Variants in PCDHGC4 observed in about 807,000 individuals in gnomAD.
PCDHGC4 encodes protocadherin gamma subfamily C, 4.
Under a neutral mutation model 59.7 loss-of-function variants are expected in PCDHGC4, and 15 were observed. That is an observed-to-expected ratio of 0.25 (90% CI 0.17 to 0.39). The LOEUF is 0.39. Among genes scored for constraint, PCDHGC4 ranks in the 10% least tolerant of loss-of-function variants. The pLI, the probability that PCDHGC4 is intolerant of heterozygous loss-of-function variation, is 1.00. For synonymous variants in PCDHGC4, 434 were observed against 481.4 expected, an observed-to-expected ratio of 0.90 and a Z score of 1.29; for missense variants, 1,016 against 1,189.5, an observed-to-expected ratio of 0.85 and a Z score of 2.15.
At position 141,490,857 on chromosome 5, in the gene PCDHGC4, C is replaced by G; in HGVS notation, c.2442+3242C>G. 6.2e-7 allele frequency: 1 copy of G among 1,613,832 alleles called. No homozygotes were observed. Among genetic ancestry groups the G allele is most frequent in the Admixed American group, 1.7e-5 (1 of 60,012 alleles). On this transcript the variant is annotated intron_variant, in intron 1 of 3. Coordinates refer to ENST00000306593, the MANE Select transcript of PCDHGC4 (RefSeq NM_018928.3). The surrounding 1 kb of genome is among the most constrained non-coding windows in gnomAD (Gnocchi z 5.4). ...AGATTGTGGTGGGGGTTCGAGACTCCGGCTCTCCCCCATTGCATGCCAACA... is the reference window on the plus strand; with the variant it reads ...AGATTGTGGTGGGGGTTCGAGACTCGGGCTCTCCCCCATTGCATGCCAACA...
At chr5:141,503,309 A>G (rs2099819130) in intron 2 of PCDHGC4, among the ~76,000 whole-genome samples, 1 of 152,034 alleles carries the variant, frequency 6.6e-6, no homozygotes, top group Non-Finnish European at 1.5e-5. Flanking sequence ...TCAAGAAAGA[A>G]TTGTTGGAGG....
chr5:141,494,832 G>T lies in PCDHGC4; in HGVS notation c.2468G>T (p.Arg823Leu). 1 of 1,614,066 alleles carries T rather than the reference G, an allele frequency of 6.2e-7. No homozygotes were observed. ...CAAGCCCCGCCCAACACGGACTGGCGTTTCTCTCAGGCCCAGAGACCCGGC... is the reference window on the plus strand; with the variant it reads ...CAAGCCCCGCCCAACACGGACTGGCTTTTCTCTCAGGCCCAGAGACCCGGC... The part of the protein sequence containing the change: ...LEQAPPNTDW[R>L]FSQAQRPGTS... The change falls in exon 2 of 4, where the codon CGT becomes CTT. Residue 823 changes from arginine to leucine, a missense_variant. Transcript: ENST00000306593.
rs1433429634 is a variant in PCDHGC4 at position 141,486,311 on chromosome 5, G to T, written c.1138G>T (p.Gly380Trp). 1.2e-6 allele frequency: 2 copies of T among 1,613,956 alleles called. No homozygotes were observed. Among genetic ancestry groups the T allele is most frequent in the African/African-American group, 2.7e-5 (2 of 74,892 alleles). The change falls in exon 1 of 4, where the codon GGG becomes TGG. Residue 380 changes from glycine to tryptophan, a missense_variant. Gly to Trp is a radical substitution (Grantham distance 184). Transcript: ENST00000306593. The surrounding 1 kb of genome is among the most constrained non-coding windows in gnomAD (Gnocchi z 5.0). The stretch of plus-strand genomic sequence containing the variant: ...TATCAGTGTGCAGGATCCAGACTCA[G>T]GGTCAAACGGAGATGTGAGCCTCCG... The part of the protein sequence containing the change: ...ALISVQDPDS[G>W]SNGDVSLRIP...
At chr5:141,504,269 A>T (rs7715517) in intron 2 of PCDHGC4, among the ~76,000 whole-genome samples, 3,100 of 152,246 alleles carry the variant, frequency 0.02, 113 homozygotes, top group African/African-American at 0.07. Context: ...GTATTTTTTT[A>T]AATTATGAAT....
At chr5:141,506,092 G>A (rs1595997534) in intron 3 of PCDHGC4, among the ~76,000 whole-genome samples, 1 of 152,142 alleles carries the variant, frequency 6.6e-6, no homozygotes, top group Admixed American at 6.6e-5. Flanking sequence ...TTCGGCTAGT[G>A]GTGGTTGTCC....
Position 141,489,575 on chromosome 5 carries a change from AC to A in PCDHGC4, c.2442+1965del. On this transcript the variant is annotated intron_variant, in intron 1 of 3. Coordinates refer to ENST00000306593, the MANE Select transcript of PCDHGC4 (RefSeq NM_018928.3). This position sits in a 1 kb window ranked among gnomAD's most constrained non-coding sequence, Gnocchi z 4.5. ...CTGCCAGTGCAGGTGGTGACTGAAC[AC>A]CCCCTGGAGCTAATCCGTGTAGAGG... 1 of 1,613,788 alleles carries A rather than the reference AC, an allele frequency of 6.2e-7. No individual in the cohort carries two copies. Among genetic ancestry groups the A allele is most frequent in the Middle Eastern group, 1.6e-4 (1 of 6,062 alleles).
intron 2 of PCDHGC4, among the ~76,000 whole-genome samples, chr5:141,503,940 C>G (rs890249753): frequency 6.6e-6 from 1 of 152,218 alleles, no homozygotes; most frequent in Non-Finnish European, 1.5e-5. Flanking sequence ...TTCATGCCTT[C>G]AAGGCCTACC....
intron 1 of PCDHGC4, among the ~76,000 whole-genome samples, chr5:141,492,949 A>G (rs1470301496): frequency 6.6e-6 from 1 of 152,226 alleles, no homozygotes; most frequent in African/African-American, 2.4e-5. Flanking sequence ...GGAGGTGACC[A>G]AACTATCTGA....
rs1224943883 is a variant in PCDHGC4 at position 141,493,516 on chromosome 5, G to A, written c.2443-1291G>A. Among the ~76,000 whole-genome samples, 1 of 152,122 alleles carries A rather than the reference G, an allele frequency of 6.6e-6. No individual in the cohort carries two copies. The highest frequency in any genetic ancestry group is 1.5e-5 in the Non-Finnish European group (1 of 68,036). On this transcript the variant is annotated intron_variant, in intron 1 of 3. Coordinates refer to ENST00000306593, the MANE Select transcript of PCDHGC4 (RefSeq NM_018928.3). The surrounding 1 kb of genome is among the most constrained non-coding windows in gnomAD (Gnocchi z 4.3). ...GGCTCCTCATTTCTGAGCAGTCCCC[G>A]CAGCGCAAACTTGGCCAGTTATCCT...
chr5:141,486,498 T>C lies in PCDHGC4; in HGVS notation c.1325T>C (p.Phe442Ser), dbSNP rs755907391. The change falls in exon 1 of 4, where the codon TTC (phenylalanine) becomes TCC (serine). Residue 442 changes from phenylalanine (F) to serine (S), a missense_variant. Phe to Ser is a radical substitution (Grantham distance 155). Coordinates refer to ENST00000306593, the MANE Select transcript of PCDHGC4 (RefSeq NM_018928.3). The surrounding 1 kb of genome is among the most constrained non-coding windows in gnomAD (Gnocchi z 5.0). ...NPPLSTHRTI[F>S]LNISDVNDNP... The stretch of plus-strand genomic sequence containing the variant: ...CCTCTCAGTACCCACAGAACTATTT[T>C]CCTCAATATTTCAGATGTGAATGAT... 6.2e-7 allele frequency: 1 copy of C among 1,614,030 alleles called. No individual in the cohort carries two copies. The highest frequency in any genetic ancestry group is 8.5e-7 in the Non-Finnish European group (1 of 1,179,874).
At position 141,493,906 on chromosome 5, in the gene PCDHGC4, G is replaced by A. The variant is rs2099750764; in HGVS notation, c.2443-901G>A. ...CTCTAGGAGTGCTCCATGAGAGTGT[G>A]TGATGGGATAACACACCCCCTGGAA... is the stretch of plus-strand genomic sequence containing the variant. On this transcript the variant is annotated intron_variant, in intron 1 of 3. Transcript: ENST00000306593. The surrounding 1 kb of genome is among the most constrained non-coding windows in gnomAD (Gnocchi z 4.3). Among the ~76,000 whole-genome samples the A allele has an allele frequency of 6.6e-6, 1 of 152,200 alleles. No individual in the cohort carries two copies. Among genetic ancestry groups the A allele is most frequent in the Non-Finnish European group, 1.5e-5 (1 of 68,032 alleles).
chr5:141,501,475 G>A (rs1305778190), intron 2 of PCDHGC4, among the ~76,000 whole-genome samples: 5 of 152,014 alleles, frequency 3.3e-5, no homozygotes, highest in Admixed American at 3.3e-4. Flanking sequence ...AATCCTGGAA[G>A]AGTCCCTCAT....
Position 141,490,920 on chromosome 5 carries a change from T to A in PCDHGC4, c.2442+3305T>A. 1.2e-6 allele frequency: 2 copies of A among 1,613,638 alleles called. No homozygotes were observed. The highest frequency in any genetic ancestry group is 1.7e-6 in the Non-Finnish European group (2 of 1,179,684). The stretch of plus-strand genomic sequence containing the variant: ...TGTTTGTCCTAGACGAGAATGATAA[T>A]GCCCCAGCTGTGCTGCACCCACGGC... On this transcript the variant is annotated intron_variant, in intron 1 of 3. Coordinates refer to ENST00000306593, the MANE Select transcript of PCDHGC4 (RefSeq NM_018928.3). This position sits in a 1 kb window ranked among gnomAD's most constrained non-coding sequence, Gnocchi z 5.4.
At chr5:141,488,866 G>A (rs957501628) in intron 1 of PCDHGC4, among the ~76,000 whole-genome samples, 1 of 152,148 alleles carries the variant, frequency 6.6e-6, no homozygotes, top group African/African-American at 2.4e-5. Flanking sequence ...GAAGTGAGTG[G>A]GGAGGTAGGA....
chr5:141,493,784 T>A lies in PCDHGC4; in HGVS notation c.2443-1023T>A, dbSNP rs1368708028. ...AGCCACTGGCAGTTCCGGAGCTTCC[T>A]TCTCCCTGGAGTAATCTGAGATACT... On this transcript the variant is annotated intron_variant, in intron 1 of 3. Coordinates refer to ENST00000306593, the MANE Select transcript of PCDHGC4 (RefSeq NM_018928.3). This position sits in a 1 kb window ranked among gnomAD's most constrained non-coding sequence, Gnocchi z 4.3. 1.3e-5 allele frequency among the ~76,000 whole-genome samples: 2 copies of A among 152,194 alleles called. No individual in the cohort carries two copies. Among genetic ancestry groups the A allele is most frequent in the Non-Finnish European group, 2.9e-5 (2 of 68,032 alleles).
chr5:141,503,630 A>G, intron 2 of PCDHGC4, among the ~76,000 whole-genome samples: 1 of 152,088 alleles, frequency 6.6e-6, no homozygotes, highest in Admixed American at 6.6e-5. Flanking sequence ...AAGAAAAGAA[A>G]TAATTATTGA....
chr5:141,489,284 T>A lies in PCDHGC4; in HGVS notation c.2442+1669T>A. On this transcript the variant is annotated intron_variant, in intron 1 of 3. Transcript: ENST00000306593. This position sits in a 1 kb window ranked among gnomAD's most constrained non-coding sequence, Gnocchi z 4.5. ...CCACAGCTCGCTGGGAAATGGCAAG[T>A]GCTGTGCATGTTGTCCTTGTGCTGC... The A allele has an allele frequency of 6.4e-7, 1 of 1,570,016 alleles. No homozygotes were observed. The highest frequency in any genetic ancestry group is 2.2e-5 in the East Asian group (1 of 44,588).
chr5:141,486,150 G>T lies in PCDHGC4; in HGVS notation c.977G>T (p.Gly326Val). The T allele has an allele frequency of 6.2e-7, 1 of 1,614,180 alleles. No individual in the cohort carries two copies. The highest frequency in any genetic ancestry group is 8.5e-7 in the Non-Finnish European group (1 of 1,180,030). Residue 326 changes from glycine (G) to valine (V), a missense_variant, in exon 1 of 4, where the codon GGT (glycine) becomes GTT (valine). Physicochemically the swap from Gly to Val is moderately radical, Grantham distance 109 (BLOSUM62 -3). Transcript: ENST00000306593. This position sits in a 1 kb window ranked among gnomAD's most constrained non-coding sequence, Gnocchi z 5.0. ...YEFDVRARDG[G>V]SPAMEQHCSL... The stretch of plus-strand genomic sequence containing the variant: ...TTTGATGTGCGGGCTCGCGATGGGG[G>T]TTCTCCAGCCATGGAGCAACATTGC...
chr5:141,505,528 C>T (rs746609783), intron 3 of PCDHGC4, 47 bp downstream of exon 3: 4 of 1,612,320 alleles, frequency 2.5e-6, no homozygotes, highest in Non-Finnish European at 3.4e-6. Context: ...ACCTGGGGTT[C>T]TGGGGTGCAT....
Sources: allele counts gnomAD v4.1 joint callset (sites outside exome capture counted in the v4.1 genomes callset), GRCh38; gene constraint gnomAD v4.1.1; non-coding constraint Gnocchi (gnomAD v3.1); transcripts MANE v1.5; gene names NCBI Gene and HGNC (gene_info 2026-07-23, HGNC 2026-07-21).